Variants in ATE1 observed in about 807,000 individuals in gnomAD.
ATE1 encodes arginyltransferase 1.
In ATE1, 36 loss-of-function variants were observed where a neutral mutation model predicts 70.5. That is an observed-to-expected ratio of 0.51 (90% CI 0.39 to 0.67). ATE1 has a LOEUF of 0.67. Ranked by LOEUF, ATE1 falls within the 30% of genes least tolerant of loss-of-function variation. The pLI, the probability that ATE1 is intolerant of heterozygous loss-of-function variation, is 0.00. For synonymous variants in ATE1, 232 were observed against 219.3 expected (o/e 1.06, Z -0.51); for missense variants, 593 against 629.5 (o/e 0.94, Z 0.62).
At chr10:121,831,364 A>G (rs1407753640) in intron 10 of ATE1, among the ~76,000 whole-genome samples, 1 of 152,192 alleles carries the variant, frequency 6.6e-6, no homozygotes, top group South Asian at 2.1e-4. Context: ...ATTTATATTT[A>G]CACTGTTATT....
chr10:121,820,578 G>A (rs1263515361), intron 10 of ATE1, among the ~76,000 whole-genome samples: 1 of 152,144 alleles, frequency 6.6e-6, no homozygotes, highest in African/African-American at 2.4e-5. Flanking sequence ...TTATTTGGAA[G>A]AAATCTACAA....
chr10:121,844,411 T>C (rs992125849), intron 8 of ATE1, among the ~76,000 whole-genome samples: 10 of 152,166 alleles, frequency 6.6e-5, no homozygotes, highest in Admixed American at 5.9e-4. Context: ...ACAAAACTAC[T>C]AGAATGGCTG....
chr10:121,843,417 T>C (rs994101740), intron 8 of ATE1, among the ~76,000 whole-genome samples: 3 of 152,200 alleles, frequency 2.0e-5, no homozygotes, highest in Non-Finnish European at 2.9e-5. Flanking sequence ...GCAAGCTATT[T>C]TGCAGCTATC....
chr10:121,769,234 A>G (rs763664559), intron 11 of ATE1, among the ~76,000 whole-genome samples: 2 of 152,210 alleles, frequency 1.3e-5, no homozygotes, highest in Non-Finnish European at 2.9e-5. Context: ...AAACCATAAT[A>G]GCCCCACACA....
chr10:121,919,319 G>C (rs1951786450), intron 3 of ATE1, among the ~76,000 whole-genome samples: 1 of 152,108 alleles, frequency 6.6e-6, no homozygotes, highest in South Asian at 2.1e-4. Flanking sequence ...AGCACTTTGG[G>C]GGGCTGAAGC....
At chr10:121,770,538 A>C (rs1374310143) in intron 11 of ATE1, among the ~76,000 whole-genome samples, 2 of 152,108 alleles carry the variant, frequency 1.3e-5, no homozygotes, top group African/African-American at 4.8e-5. Context: ...GTTCTTTAAA[A>C]CTATTTGCTT....
intron 3 of ATE1, among the ~76,000 whole-genome samples, chr10:121,921,663 A>T (rs890542381): frequency 6.6e-6 from 1 of 152,020 alleles, no homozygotes; most frequent in Non-Finnish European, 1.5e-5. Flanking sequence ...GCCCAGGCAA[A>T]CCTAGATAAC....
intron 3 of ATE1, 57 bp from the exon 4 acceptor site, chr10:121,913,950 C>A: frequency 7.3e-7 from 1 of 1,378,858 alleles, no homozygotes; most frequent in South Asian, 1.3e-5. Flanking sequence ...GAAATGAAAT[C>A]AGTTCTGGAT....
intron 11 of ATE1, among the ~76,000 whole-genome samples, chr10:121,760,567 T>G (rs1275863804): frequency 6.6e-6 from 1 of 152,182 alleles, no homozygotes; most frequent in Non-Finnish European, 1.5e-5. Flanking sequence ...TGCTGCAATC[T>G]CATGATAAAA....
At position 121,743,469 on chromosome 10, in the gene ATE1, C is replaced by T; in HGVS notation, c.*211G>A. 4.2e-6 allele frequency: 4 copies of T among 944,066 alleles called. No individual in the cohort carries two copies. Among genetic ancestry groups the T allele is most frequent in the Non-Finnish European group, 5.5e-6 (4 of 724,024 alleles). 58.5% of individuals were successfully genotyped at this position (944,066 alleles called of 1,614,324 possible). A position where few individuals can be genotyped will look rare whatever the true frequency, so the allele number is the denominator to read the frequency against. On this transcript the variant is annotated 3_prime_UTR_variant, in exon 12 of 12. Coordinates refer to ENST00000224652, the MANE Select transcript of ATE1 (RefSeq NM_001001976.3). ...AAATGATAAATCCCAATTATGGGGG[C>T]TAGGTCATAATGCAGTTTTAAAATC...
intron 10 of ATE1, among the ~76,000 whole-genome samples, chr10:121,795,498 C>G (rs1323114792): frequency 2.0e-5 from 3 of 152,156 alleles, no homozygotes; most frequent in African/African-American, 7.2e-5. Flanking sequence ...GAAGGTAACA[C>G]CTGCTCATAC....
chr10:121,809,404 T>C (rs1294280638), intron 10 of ATE1, among the ~76,000 whole-genome samples: 1 of 152,146 alleles, frequency 6.6e-6, no homozygotes, highest in African/African-American at 2.4e-5. Flanking sequence ...CTTTTGTACT[T>C]TGGGATGCAG....
In ATE1 at chr10:121,919,635, G is replaced by A. The variant is rs569563068; in HGVS notation, c.233+2714C>T. Among the ~76,000 whole-genome samples the A allele has an allele frequency of 3.2e-4, 48 of 152,074 alleles. No individual in the cohort carries two copies. The South Asian group carries it at 9.3e-3, about 30-fold the overall frequency. On this transcript the variant is annotated intron_variant, in intron 3 of 11. Coordinates refer to ENST00000224652, the MANE Select transcript of ATE1 (RefSeq NM_001001976.3). ...ATTCTAAAATTAACACGCAAAATGT[G>A]CTGGGCATGGTGGCTCACGCCTGAA... is the stretch of plus-strand genomic sequence containing the variant.
intron 11 of ATE1, among the ~76,000 whole-genome samples, chr10:121,779,509 A>C (rs1945889996): frequency 6.6e-6 from 1 of 152,220 alleles, no homozygotes; most frequent in Admixed American, 6.5e-5. Context: ...GCATTTCCTC[A>C]TCCTCTCCTA....
chr10:121,745,072 T>C (rs542647314), intron 11 of ATE1, among the ~76,000 whole-genome samples: 34 of 151,616 alleles, frequency 2.2e-4, no homozygotes, highest in African/African-American at 8.2e-4. Context: ...GGAACAAAAC[T>C]GCCATACCAG....
At chr10:121,807,324 A>G (rs1039638835) in intron 10 of ATE1, among the ~76,000 whole-genome samples, 1 of 152,276 alleles carries the variant, frequency 6.6e-6, no homozygotes, top group Non-Finnish European at 1.5e-5. Flanking sequence ...AGAAAGGAAG[A>G]GTAACCAAAG....
chr10:121,881,189 G>C (rs1950212360), intron 7 of ATE1, among the ~76,000 whole-genome samples: 1 of 152,090 alleles, frequency 6.6e-6, no homozygotes, highest in Admixed American at 6.6e-5. Flanking sequence ...TCTCTCTCCA[G>C]CTGTTTTTTT....
At chr10:121,796,879 C>T (rs768121794) in intron 10 of ATE1, among the ~76,000 whole-genome samples, 7 of 152,164 alleles carry the variant, frequency 4.6e-5, no homozygotes, top group South Asian at 2.1e-4. Context: ...CACTTGCATG[C>T]TTTAGCCTAT....
At chr10:121,854,271 T>C (rs1244193984) in intron 8 of ATE1, among the ~76,000 whole-genome samples, 1 of 152,218 alleles carries the variant, frequency 6.6e-6, no homozygotes, top group Non-Finnish European at 1.5e-5. Flanking sequence ...CTCATTCACA[T>C]GCATATATCT....
Sources: gnomAD v4.1 joint callset for allele counts (sites outside exome capture counted in the v4.1 genomes callset) on GRCh38, gnomAD v4.1.1 for gene constraint, MANE v1.5 for transcripts, NCBI Gene and HGNC (gene_info 2026-07-23, HGNC 2026-07-21) for gene names.